Variants in CD163L1 observed in about 807,000 individuals in gnomAD.
CD163L1 encodes the protein scavenger receptor cysteine-rich type 1 protein M160.
Under a neutral mutation model 165.4 loss-of-function variants are expected in CD163L1, and 124 were observed. The observed-to-expected ratio is 0.75, with a 90% CI of 0.65 to 0.87. The LOEUF (loss-of-function observed/expected upper bound fraction) is 0.87, where lower values mean the gene tolerates loss of function less well. Among genes scored for constraint, CD163L1 ranks in the 40% least tolerant of loss-of-function variants. CD163L1 has a pLI of 0.00. For missense variants in CD163L1, 1,525 were observed against 1,799.9 expected (o/e 0.85, Z 2.76); for synonymous variants, 585 against 662.2 (o/e 0.88, Z 1.79).
the CD163L1 span, among the ~76,000 whole-genome samples, chr12:7,336,975 A>G: frequency 6.6e-6 from 1 of 152,208 alleles, no homozygotes; most frequent in Non-Finnish European, 1.5e-5. Flanking sequence ...AAACAGATAC[A>G]TAGACCAATG....
intron 18 of CD163L1, among the ~76,000 whole-genome samples, chr12:7,360,194 G>A (rs150629828): frequency 1.4e-3 from 211 of 151,968 alleles, no homozygotes; most frequent in African/African-American, 4.8e-3. Flanking sequence ...CCAGGCTGGA[G>A]TGCAATGGTG....
In CD163L1 at chr12:7,441,221, C is replaced by T; in HGVS notation, c.57G>A (p.Gln19=). 6.2e-7 allele frequency: 1 copy of T among 1,614,018 alleles called. No individual in the cohort carries two copies. Among genetic ancestry groups the T allele is most frequent in the Non-Finnish European group, 8.5e-7 (1 of 1,179,932 alleles). ...AAGTTACCACAGCAGAGAAAAGGTT[C>T]TGATGACAGCAGCATCTTCCAAAAT... The part of the protein sequence containing the change: ...HIDFGRCCCH[Q]NLFSAVVTCI... The change falls in exon 2 of 20, where the codon CAG becomes CAA. Residue 19 remains glutamine, a synonymous_variant. Coordinates refer to ENST00000313599, the MANE Select transcript of CD163L1 (RefSeq NM_174941.6).
chr12:7,332,186 A>G, the CD163L1 span, among the ~76,000 whole-genome samples: 2 of 152,246 alleles, frequency 1.3e-5, no homozygotes, highest in Non-Finnish European at 2.9e-5. Context: ...GGTATCAGCA[A>G]TGGAAGACGA....
the CD163L1 span, among the ~76,000 whole-genome samples, chr12:7,327,531 A>G: frequency 2.6e-5 from 4 of 152,208 alleles, no homozygotes; most frequent in Non-Finnish European, 5.9e-5. Flanking sequence ...CAAAGAAACT[A>G]TGGAATCTTT....
At chr12:7,354,175 A>G (rs1946732303), downstream of CD163L1, among the ~76,000 whole-genome samples, 1 of 152,112 alleles carries the variant, frequency 6.6e-6, no homozygotes, top group Non-Finnish European at 1.5e-5. Flanking sequence ...AAAGATTTAA[A>G]AATGTCTTTT....
chr12:7,411,324 A>G (rs775609796), intron 4 of CD163L1, among the ~76,000 whole-genome samples: 1 of 152,290 alleles, frequency 6.6e-6, no homozygotes, highest in South Asian at 2.1e-4. Flanking sequence ...TACCCAAATT[A>G]TGATTACCAT....
intron 7 of CD163L1, among the ~76,000 whole-genome samples, chr12:7,397,429 CA>C (rs1947801375): frequency 1.3e-5 from 2 of 152,168 alleles, no homozygotes; most frequent in African/African-American, 4.8e-5. Flanking sequence ...TTCTCAACCT[CA>C]CAAGATGTCT....
the CD163L1 span, chr12:7,324,491 C>T: frequency 3.1e-6 from 5 of 1,613,930 alleles, no homozygotes; most frequent in Non-Finnish European, 4.2e-6. Context: ...ACTTCTTTTC[C>T]TCTTCAGGTA....
intron 18 of CD163L1, among the ~76,000 whole-genome samples, chr12:7,364,938 A>G (rs542171131): frequency 3.9e-5 from 6 of 152,254 alleles, no homozygotes; most frequent in African/African-American, 1.4e-4. Flanking sequence ...TAAATTTTAG[A>G]TGGAACAACA....
chr12:7,351,359 A>C (rs1262319432), downstream of CD163L1, among the ~76,000 whole-genome samples: 1 of 152,090 alleles, frequency 6.6e-6, no homozygotes, highest in African/African-American at 2.4e-5. Flanking sequence ...ACAGTTCTAG[A>C]GGTTGGAAAG....
intron 18 of CD163L1, among the ~76,000 whole-genome samples, chr12:7,358,858 T>C (rs758938362): frequency 1.0e-3 from 158 of 152,122 alleles, no homozygotes; most frequent in African/African-American, 3.5e-3. Flanking sequence ...GAGGACAACC[T>C]GCAAGAACAT....
intron 19 of CD163L1, among the ~76,000 whole-genome samples, chr12:7,356,974 A>C (rs2136373985): frequency 6.6e-6 from 1 of 152,310 alleles, no homozygotes; most frequent in East Asian, 1.9e-4. Flanking sequence ...CGATTAAAGC[A>C]ATAAGGAGTG....
chr12:7,435,690 A>G (rs928577884), intron 2 of CD163L1, among the ~76,000 whole-genome samples: 21 of 152,038 alleles, frequency 1.4e-4, no homozygotes, highest in African/African-American at 4.3e-4. Flanking sequence ...AGAACCTGCT[A>G]ATTCTACTCC....
rs749341085 is a variant in CD163L1 at position 7,393,309 on chromosome 12, G to A, written c.2050+2786C>T. 1.6e-4 allele frequency among the ~76,000 whole-genome samples: 24 copies of A among 152,136 alleles called. No homozygotes were observed. In the East Asian group the frequency reaches 3.3e-3, roughly 21 times the overall value. On this transcript the variant is annotated intron_variant, in intron 8 of 19. Coordinates refer to ENST00000313599, the MANE Select transcript of CD163L1 (RefSeq NM_174941.6). ...ACATAATCCATCACATAAACAGAAC[G>A]AATGACAAAAACCACATGATTATCT...
At chr12:7,320,551 C>G in the CD163L1 span, among the ~76,000 whole-genome samples, 1 of 152,104 alleles carries the variant, frequency 6.6e-6, no homozygotes, top group Admixed American at 6.5e-5. Flanking sequence ...ATTGGAAATT[C>G]CCAACAGATA....
chr12:7,385,863 T>A (rs1947504605), intron 8 of CD163L1, among the ~76,000 whole-genome samples: 1 of 151,894 alleles, frequency 6.6e-6, no homozygotes, highest in African/African-American at 2.4e-5. Flanking sequence ...ATAGCACAGT[T>A]AAGAAGGCAT....
At chr12:7,321,338 A>G in the CD163L1 span, among the ~76,000 whole-genome samples, 2 of 152,374 alleles carry the variant, frequency 1.3e-5, no homozygotes, top group Non-Finnish European at 2.9e-5. Flanking sequence ...ATGAACATCC[A>G]GTAGAGTTGC....
Position 7,375,770 on chromosome 12 carries a change from T to C in CD163L1, c.2616A>G (p.Ala872=). 1 of 1,614,252 alleles carries C rather than the reference T, an allele frequency of 6.2e-7. No individual in the cohort carries two copies. Among genetic ancestry groups the C allele is most frequent in the Non-Finnish European group, 8.5e-7 (1 of 1,180,038 alleles). ...CCGGATGTTGAACAATGGGGCATAA[T>C]GCAAGGTGAGTTTCACTCCCTTCAC... ...FQCEGSETHL[A]LCPIVQHPED... The change falls in exon 10 of 20, where the codon GCA becomes GCG. Residue 872 remains alanine (A), a synonymous_variant. Coordinates refer to ENST00000313599, the MANE Select transcript of CD163L1 (RefSeq NM_174941.6).
the CD163L1 span, among the ~76,000 whole-genome samples, chr12:7,339,152 C>A: frequency 4.8e-4 from 73 of 152,184 alleles, no homozygotes; most frequent in African/African-American, 1.8e-3. Context: ...GGCTCAATGA[C>A]CCTGGACTTA....
Sources: allele counts gnomAD v4.1 joint callset (sites outside exome capture counted in the v4.1 genomes callset), GRCh38; gene constraint gnomAD v4.1.1; transcripts MANE v1.5; gene names NCBI Gene and HGNC (gene_info 2026-07-23, HGNC 2026-07-21).